The following TBC1D23 variants were observed in gnomAD, a reference collection of about 807,000 sequenced individuals.
TBC1D23 encodes TBC1 domain family member 23.
In TBC1D23, 55 loss-of-function variants were observed where a neutral mutation model predicts 91.4. That is an observed-to-expected ratio of 0.60 (90% CI 0.48 to 0.75). The LOEUF (loss-of-function observed/expected upper bound fraction) is 0.75, where lower values mean the gene tolerates loss of function less well. Among genes scored for constraint, TBC1D23 ranks in the 30% least tolerant of loss-of-function variants. The pLI is 0.00. For synonymous variants in TBC1D23, 289 were observed against 281.0 expected (o/e 1.03, Z -0.28); for missense variants, 725 against 836.1 (o/e 0.87, Z 1.64).
intron 11 of TBC1D23, among the ~76,000 whole-genome samples, chr3:100,304,381 T>A (rs1218456317): frequency 6.6e-6 from 1 of 152,110 alleles, no homozygotes; most frequent in South Asian, 2.1e-4. Context: ...CTCTTTTTTT[T>A]TATTTATATT....
Position 100,324,162 on chromosome 3 carries a change from C to T in TBC1D23, c.*494C>T, listed in dbSNP as rs1705914489. On this transcript the variant is annotated 3_prime_UTR_variant, in exon 19 of 19. Transcript: ENST00000394144. ...TAATAATTCACTCACTGTTTCTATT[C>T]TTCTTAAAAAGAGTGAAATCTTTTT... The T allele has an allele frequency of 6.6e-6, 1 of 152,154 alleles. No homozygotes were observed. Among genetic ancestry groups the T allele is most frequent in the Non-Finnish European group, 1.5e-5 (1 of 68,012 alleles). The allele number at this position is 152,154 out of a possible 1,614,324, so 9.4% of individuals were successfully genotyped here.
intron 18 of TBC1D23, among the ~76,000 whole-genome samples, 184 bp downstream of exon 18, chr3:100,321,155 A>C (rs533944585): frequency 6.6e-6 from 1 of 152,304 alleles, no homozygotes; most frequent in South Asian, 2.1e-4. Context: ...AGCCATTAGC[A>C]CATGATTTGA....
At chr3:100,273,122 T>C (rs937097476) in intron 1 of TBC1D23, among the ~76,000 whole-genome samples, 1 of 152,230 alleles carries the variant, frequency 6.6e-6, no homozygotes, top group African/African-American at 2.4e-5. Flanking sequence ...GGAGAAACCT[T>C]GGACAATACC....
intron 2 of TBC1D23, 33 bp from the exon 3 acceptor site, chr3:100,281,709 T>C (rs200752829): frequency 7.4e-7 from 1 of 1,358,998 alleles, no homozygotes; most frequent in East Asian, 2.3e-5. Context: ...GAATAACATA[T>C]GAAGCTAGTC....
chr3:100,295,492 A>G, intron 7 of TBC1D23, 144 bp downstream of exon 7: 1 of 622,150 alleles, frequency 1.6e-6, no homozygotes, highest in Non-Finnish European at 2.7e-6. Flanking sequence ...AACACTCTCC[A>G]GGTACAGACC....
chr3:100,309,433 G>C (rs929732497), intron 13 of TBC1D23, among the ~76,000 whole-genome samples: 71 of 151,572 alleles, frequency 4.7e-4, no homozygotes, highest in African/African-American at 1.5e-3. Flanking sequence ...GTAATTTCAG[G>C]CTCCACACTC....
chr3:100,283,810 A>C lies in TBC1D23; in HGVS notation c.475A>C (p.Arg159=). ...FYAIMNKYIP[R]DCSQKGRPFH... ...TGCCATAATGAATAAGTACATTCCC[A>C]GGTAAAATATGATTCAGTTATTGTA... Residue 159 remains arginine (R), a splice_region_variant and synonymous_variant, in exon 4 of 19, where the codon AGG becomes CGG. Coordinates refer to ENST00000394144, the MANE Select transcript of TBC1D23 (RefSeq NM_001199198.3). 1 of 1,595,388 alleles carries C rather than the reference A, an allele frequency of 6.3e-7. No homozygotes were observed. The highest frequency in any genetic ancestry group is 1.1e-5 in the South Asian group (1 of 90,470).
chr3:100,301,311 T>C (rs1705425802), intron 10 of TBC1D23, among the ~76,000 whole-genome samples: 1 of 151,798 alleles, frequency 6.6e-6, no homozygotes, highest in Non-Finnish European at 1.5e-5. Flanking sequence ...CTTCTTACGT[T>C]TCAGAACTCT....
Position 100,310,393 on chromosome 3 carries a change from C to A in TBC1D23, c.1414-10C>A. 1 of 1,607,130 alleles carries A rather than the reference C, an allele frequency of 6.2e-7. No homozygotes were observed. The highest frequency in any genetic ancestry group is 1.3e-5 in the African/African-American group (1 of 74,596). ...TCAGAGGCAGTTAATCCATTATGTT[C>A]TTTTTTTAGGGTGAATCTCCTAATG... On this transcript the variant is annotated splice_polypyrimidine_tract_variant and intron_variant, in intron 13 of 18. Transcript: ENST00000394144.
chr3:100,309,018 C>A (rs1705569502), intron 13 of TBC1D23, among the ~76,000 whole-genome samples: 12 of 152,080 alleles, frequency 7.9e-5, no homozygotes, highest in Admixed American at 7.9e-4. Flanking sequence ...GTCAGGAGTT[C>A]AAAAATTAGC....
chr3:100,313,227 G>C (rs1705661513), intron 15 of TBC1D23, among the ~76,000 whole-genome samples: 1 of 151,900 alleles, frequency 6.6e-6, no homozygotes, highest in Non-Finnish European at 1.5e-5. Context: ...CAGGACCATT[G>C]AATTAGTCTA....
chr3:100,262,751 A>G (rs1284331992), intron 1 of TBC1D23, among the ~76,000 whole-genome samples: 5 of 149,570 alleles, frequency 3.3e-5, no homozygotes, highest in African/African-American at 1.2e-4. Flanking sequence ...AAAAACACTA[A>G]AAAGAAACAG....
chr3:100,321,355 G>T (rs1705855245), intron 18 of TBC1D23, among the ~76,000 whole-genome samples: 2 of 152,158 alleles, frequency 1.3e-5, no homozygotes, highest in African/African-American at 4.8e-5. Flanking sequence ...GCAGTGTGCT[G>T]GGTGATATAG....
At position 100,306,425 on chromosome 3, in the gene TBC1D23, AT is replaced by A; in HGVS notation, c.1307-9del. 1 of 1,516,012 alleles carries A rather than the reference AT, an allele frequency of 6.6e-7. No individual in the cohort carries two copies. Among genetic ancestry groups the A allele is most frequent in the Non-Finnish European group, 9.0e-7 (1 of 1,110,270 alleles). The allele number at this position is 1,516,012 out of a possible 1,614,324, so 93.9% of individuals were successfully genotyped here. The stretch of plus-strand genomic sequence containing the variant: ...ATTTTAGGTTTTTCTTTTTTTTTTA[AT>A]TTATCTTAAGCACTGCAGCAGCACC... On this transcript the variant is annotated splice_polypyrimidine_tract_variant and intron_variant, in intron 12 of 18. Coordinates refer to ENST00000394144, the MANE Select transcript of TBC1D23 (RefSeq NM_001199198.3).
chr3:100,263,615 G>A (rs1200572829), intron 1 of TBC1D23, among the ~76,000 whole-genome samples: 6 of 152,216 alleles, frequency 3.9e-5, no homozygotes, highest in Non-Finnish European at 8.8e-5. Flanking sequence ...TGGAAAAATA[G>A]TAAAAAAGTT....
intron 4 of TBC1D23, among the ~76,000 whole-genome samples, chr3:100,286,365 T>G (rs1024245504): frequency 3.9e-5 from 6 of 152,214 alleles, no homozygotes; most frequent in African/African-American, 1.2e-4. Flanking sequence ...TAACATACTG[T>G]GTTGTCAGGT....
chr3:100,312,535 CAAT>C (rs1338200994), intron 15 of TBC1D23, among the ~76,000 whole-genome samples: 1 of 151,972 alleles, frequency 6.6e-6, no homozygotes, highest in Non-Finnish European at 1.5e-5. Flanking sequence ...TCATTAAAGA[CAAT>C]AAGTTTAAGG....
At chr3:100,264,815 AGTTAT>A (rs974782214) in intron 1 of TBC1D23, among the ~76,000 whole-genome samples, 3 of 152,158 alleles carry the variant, frequency 2.0e-5, no homozygotes, top group African/African-American at 7.2e-5. Flanking sequence ...GCTGATTTTC[AGTTAT>A]GTTCTAGTTC....
chr3:100,320,708 AAAC>A lies in TBC1D23; in HGVS notation c.1824-64_1824-62del, dbSNP rs1473181130. 10 of 959,306 alleles carry A rather than the reference AAAC, an allele frequency of 1.0e-5. No homozygotes were observed. In the South Asian group the frequency reaches 1.5e-4, roughly 15 times the overall value. 59.4% of individuals were successfully genotyped at this position (959,306 alleles called of 1,614,324 possible). A position where few individuals can be genotyped will look rare whatever the true frequency, so the allele number is the denominator to read the frequency against. ...ACATTTCTAATAATTGAGATGGTTG[AAAC>A]AACACCTGTTTTGAATTAAATTTAC... On this transcript the variant is annotated intron_variant, in intron 17 of 18. Transcript: ENST00000394144.
Sources: allele counts gnomAD v4.1 joint callset (sites outside exome capture counted in the v4.1 genomes callset), GRCh38; gene constraint gnomAD v4.1.1; transcripts MANE v1.5; gene names NCBI Gene and HGNC (gene_info 2026-07-23, HGNC 2026-07-21).